IQCH: variants seen among roughly 807,000 people sequenced by gnomAD.
The protein encoded by IQCH is IQ motif containing H.
IQCH carries 98 observed loss-of-function variants against 117.0 expected under a neutral mutation model. The observed-to-expected ratio is 0.84, with a 90% CI of 0.71 to 0.99. IQCH has a LOEUF of 0.99. Among genes scored for constraint, IQCH ranks in the 50% least tolerant of loss-of-function variants. IQCH has a pLI of 0.00. For missense variants in IQCH, 1,102 were observed against 1,243.8 expected (o/e 0.89, Z 1.72); for synonymous variants, 412 against 448.2 (o/e 0.92, Z 1.02).
intron 12 of IQCH, among the ~76,000 whole-genome samples, chr15:67,394,718 T>C (rs1313560796): frequency 1.3e-5 from 2 of 152,196 alleles, no homozygotes; most frequent in African/African-American, 2.4e-5. Context: ...TCAATTATTT[T>C]CTATTTGTGA....
chr15:67,330,968 A>G (rs926877360), intron 4 of IQCH, among the ~76,000 whole-genome samples: 1 of 152,186 alleles, frequency 6.6e-6, no homozygotes, highest in Non-Finnish European at 1.5e-5. Flanking sequence ...AGAAAGGTAG[A>G]AAAAAACCCA....
At chr15:67,286,038 T>TTTGA (rs1966549717) in intron 4 of IQCH, among the ~76,000 whole-genome samples, 1 of 152,196 alleles carries the variant, frequency 6.6e-6, no homozygotes, top group African/African-American at 2.4e-5. Context: ...CTATGGATAT[T>TTTGA]TTGACAATAT....
At chr15:67,349,606 CA>C (rs35892110) in intron 6 of IQCH, among the ~76,000 whole-genome samples, 12 of 119,082 alleles carry the variant, frequency 1.0e-4, no homozygotes, top group African/African-American at 1.9e-4. Context: ...GACTCCATCT[CA>C]AAAAAAAAAA....
At position 67,490,216 on chromosome 15, in the gene IQCH, A is replaced by G; in HGVS notation, c.2861+152A>G. 1.5e-6 allele frequency: 1 copy of G among 664,912 alleles called. No individual in the cohort carries two copies. The highest frequency in any genetic ancestry group is 2.0e-5 in the South Asian group (1 of 50,376). The allele number at this position is 664,912 out of a possible 1,614,324, so 41.2% of individuals were successfully genotyped here. On this transcript the variant is annotated intron_variant, in intron 19 of 20. Transcript: ENST00000335894. The surrounding 1 kb of genome is among the most constrained non-coding windows in gnomAD (Gnocchi z 4.9). ...ATCTTCAGGTATTTTATTTTATTCT[A>G]TTTTTTTGAGACGGAGCCTCACTCT...
intron 4 of IQCH, among the ~76,000 whole-genome samples, chr15:67,312,822 A>G (rs1430838698): frequency 6.6e-6 from 1 of 152,142 alleles, no homozygotes; most frequent in African/African-American, 2.4e-5. Flanking sequence ...GGTCCAGGTT[A>G]ATTATCTACT....
Position 67,421,315 on chromosome 15 carries a change from C to T in IQCH, c.2243C>T (p.Pro748Leu). Residue 748 changes from proline to leucine, a missense_variant, in exon 16 of 21, where the codon CCT (proline) becomes CTT (leucine). Physicochemically the swap from Pro to Leu is moderately conservative, Grantham distance 98 (BLOSUM62 -3). Coordinates refer to ENST00000335894, the MANE Select transcript of IQCH (RefSeq NM_001031715.3). ...SQGGVIEAFPPADNVTNLTVD... is the reference protein window; with the variant it reads ...SQGGVIEAFPLADNVTNLTVD... ...GGGGGTGTGATCGAAGCATTCCCAC[C>T]TGCAGACAATGTCACCAACCTCACA... 1 of 1,614,128 alleles carries T rather than the reference C, an allele frequency of 6.2e-7. No individual in the cohort carries two copies. Among genetic ancestry groups the T allele is most frequent in the Non-Finnish European group, 8.5e-7 (1 of 1,179,996 alleles).
intron 10 of IQCH, among the ~76,000 whole-genome samples, chr15:67,379,129 A>G (rs1057046035): frequency 2.6e-5 from 4 of 152,226 alleles, no homozygotes; most frequent in Admixed American, 6.5e-5. Context: ...CTGAAAAATT[A>G]ATGGAACATG....
chr15:67,333,198 T>C (rs1387022076), intron 4 of IQCH, among the ~76,000 whole-genome samples: 1 of 152,218 alleles, frequency 6.6e-6, no homozygotes, highest in Non-Finnish European at 1.5e-5. Flanking sequence ...AGTTTCAACA[T>C]GTGAATTTAG....
At chr15:67,470,576 A>T (rs1168971653) in intron 17 of IQCH, among the ~76,000 whole-genome samples, 1 of 152,222 alleles carries the variant, frequency 6.6e-6, no homozygotes, top group Non-Finnish European at 1.5e-5. Flanking sequence ...AGAGCATGTC[A>T]CTTATACTAT....
At chr15:67,373,465 A>G (rs1970628955) in intron 10 of IQCH, 32 bp downstream of exon 10, 1 of 1,356,774 alleles carries the variant, frequency 7.4e-7, no homozygotes, top group Non-Finnish European at 1.1e-6. Context: ...ATCTATCAGC[A>G]ACCTCTATTA....
intron 4 of IQCH, among the ~76,000 whole-genome samples, chr15:67,290,863 T>C (rs1264255263): frequency 6.6e-6 from 1 of 152,152 alleles, no homozygotes; most frequent in Non-Finnish European, 1.5e-5. Context: ...TGGAATTTAA[T>C]ATAGTGGCCT....
At chr15:67,282,846 CAGTT>C (rs975467950) in intron 4 of IQCH, among the ~76,000 whole-genome samples, 55 of 152,054 alleles carry the variant, frequency 3.6e-4, no homozygotes, top group African/African-American at 1.2e-3. Flanking sequence ...AAATGACAAA[CAGTT>C]AGGAGTTGCT....
chr15:67,450,932 T>C (rs199962210), intron 16 of IQCH, among the ~76,000 whole-genome samples: 3 of 152,140 alleles, frequency 2.0e-5, no homozygotes, highest in Non-Finnish European at 4.4e-5. Context: ...AGATTCAGCT[T>C]CTTCCTGGTT....
chr15:67,321,512 T>A (rs1157036956), intron 4 of IQCH, among the ~76,000 whole-genome samples: 2 of 149,926 alleles, frequency 1.3e-5, no homozygotes, highest in African/African-American at 5.0e-5. Context: ...TCTTTCTTTC[T>A]TTTTCTTTCT....
chr15:67,297,970 T>C (rs917445783), intron 4 of IQCH, among the ~76,000 whole-genome samples: 2 of 151,922 alleles, frequency 1.3e-5, no homozygotes, highest in South Asian at 2.1e-4. Flanking sequence ...TATTAGGAGC[T>C]CAAGCTACTC....
rs1386509456 is a variant in IQCH at position 67,385,185 on chromosome 15, A to C, written c.1456+166A>C. ...GGGCAATTAAATGTTTTATTTTAAA[A>C]AACATATTTGTAGTAAAATCAACTT... is the stretch of plus-strand genomic sequence containing the variant. On this transcript the variant is annotated intron_variant, in intron 11 of 20. Transcript: ENST00000335894. The surrounding 1 kb of genome is among the most constrained non-coding windows in gnomAD (Gnocchi z 4.6). Among the ~76,000 whole-genome samples the C allele has an allele frequency of 6.6e-6, 1 of 152,196 alleles. No individual in the cohort carries two copies. The highest frequency in any genetic ancestry group is 1.5e-5 in the Non-Finnish European group (1 of 68,028).
chr15:67,499,763 T>C (rs556178654), intron 20 of IQCH, among the ~76,000 whole-genome samples: 1 of 152,284 alleles, frequency 6.6e-6, no homozygotes, highest in Admixed American at 6.5e-5. Context: ...TTTTATATAA[T>C]GGGATATTAT....
In IQCH at chr15:67,386,456, T is replaced by C. The variant is rs1192299509; in HGVS notation, c.1456+1437T>C. 6.6e-6 allele frequency among the ~76,000 whole-genome samples: 1 copy of C among 152,162 alleles called. No homozygotes were observed. The highest frequency in any genetic ancestry group is 1.5e-5 in the Non-Finnish European group (1 of 68,028). On this transcript the variant is annotated intron_variant, in intron 11 of 20. Transcript: ENST00000335894. The surrounding 1 kb of genome is among the most constrained non-coding windows in gnomAD (Gnocchi z 5.0). ...TCTTCATGATATAGCAAGGCAATCA[T>C]AAAAAGTCTTCAAGAGGAGTAATGA...
At chr15:67,301,427 T>TTTTGA (rs1596135495) in intron 4 of IQCH, among the ~76,000 whole-genome samples, 2 of 107,608 alleles carry the variant, frequency 1.9e-5, no homozygotes, top group African/African-American at 6.8e-5. Context: ...TTTTTTTTTT[T>TTTTGA]GAAACCGAGT....
Sources: gnomAD v4.1 joint callset for allele counts (sites outside exome capture counted in the v4.1 genomes callset) on GRCh38, gnomAD v4.1.1 for gene constraint, Gnocchi (gnomAD v3.1) non-coding constraint, MANE v1.5 for transcripts, NCBI Gene and HGNC (gene_info 2026-07-23, HGNC 2026-07-21) for gene names.